The following CLOCK variants were observed in gnomAD, a reference collection of about 807,000 sequenced individuals.
CLOCK encodes the protein circadian locomoter output cycles protein kaput.
CLOCK carries 43 observed loss-of-function variants against 118.4 expected under a neutral mutation model. That is an observed-to-expected ratio of 0.36 (90% confidence interval 0.28 to 0.47). CLOCK has a LOEUF of 0.47. Among genes scored for constraint, CLOCK ranks in the 20% least tolerant of loss-of-function variants. CLOCK has a pLI of 1.00. For synonymous variants in CLOCK, 326 were observed against 339.2 expected, an observed-to-expected ratio of 0.96 and a Z score of 0.43; for missense variants, 846 against 999.9, an observed-to-expected ratio of 0.85 and a Z score of 2.08.
At chr4:55,522,861 A>C (rs1429993242) in intron 1 of CLOCK, among the ~76,000 whole-genome samples, 1 of 152,236 alleles carries the variant, frequency 6.6e-6, no homozygotes, top group Non-Finnish European at 1.5e-5. Flanking sequence ...GAAAGCAAGG[A>C]AGCTATCAAA....
Position 55,453,122 on chromosome 4 carries a change from C to G in CLOCK, c.1138G>C (p.Glu380Gln). 6.2e-7 allele frequency: 1 copy of G among 1,612,716 alleles called. No homozygotes were observed. Among genetic ancestry groups the G allele is most frequent in the Non-Finnish European group, 8.5e-7 (1 of 1,178,982 alleles). Reference protein sequence around the residue: ...VCTHTVVSYAEVRAERRRELG... With the variant: ...VCTHTVVSYAQVRAERRRELG... Reference sequence around the variant, plus strand: ...TCTCGTCGTCTTTCAGCCCTAACTTCTGCATAACTACAAATGGAAAAAATA... The same window carrying G: ...TCTCGTCGTCTTTCAGCCCTAACTTGTGCATAACTACAAATGGAAAAAATA... The change falls in exon 15 of 23, where the codon GAA becomes CAA. Residue 380 changes from glutamate to glutamine, a missense_variant. Transcript: ENST00000513440.
intron 2 of CLOCK, among the ~76,000 whole-genome samples, chr4:55,500,000 T>C (rs1488113222): frequency 1.3e-5 from 2 of 152,086 alleles, no homozygotes; most frequent in Non-Finnish European, 2.9e-5. Flanking sequence ...TAAGTACATA[T>C]ACCACTATGG....
At chr4:55,537,680 G>C (rs1730994284) in intron 1 of CLOCK, among the ~76,000 whole-genome samples, 1 of 152,056 alleles carries the variant, frequency 6.6e-6, no homozygotes. Flanking sequence ...TGCAGTCCCA[G>C]CTACTCAGGA....
intron 1 of CLOCK, among the ~76,000 whole-genome samples, chr4:55,535,737 A>AAC (rs1553904100): frequency 1.7e-5 from 2 of 120,768 alleles, no homozygotes; most frequent in Non-Finnish European, 1.7e-5. Flanking sequence ...TGATGGGAGA[A>AAC]TCTTTTTTTT....
chr4:55,475,237 G>T (rs1029585517), intron 7 of CLOCK, among the ~76,000 whole-genome samples: 3 of 152,192 alleles, frequency 2.0e-5, no homozygotes, highest in African/African-American at 7.2e-5. Context: ...GGTAGAAACG[G>T]CAAGAGAATT....
chr4:55,494,768 G>A (rs1401796692), intron 2 of CLOCK, among the ~76,000 whole-genome samples: 1 of 152,142 alleles, frequency 6.6e-6, no homozygotes, highest in Admixed American at 6.5e-5. Flanking sequence ...GTGAAAGAAG[G>A]TGGCCACAAG....
intron 1 of CLOCK, among the ~76,000 whole-genome samples, chr4:55,541,891 A>G (rs1731291234): frequency 6.6e-6 from 1 of 151,848 alleles, no homozygotes; most frequent in Non-Finnish European, 1.5e-5. Flanking sequence ...TTCCTTTCTT[A>G]ACTAATTAAA....
chr4:55,488,150 T>C (rs1002275584), intron 3 of CLOCK, among the ~76,000 whole-genome samples: 6 of 152,220 alleles, frequency 3.9e-5, no homozygotes, highest in African/African-American at 1.2e-4. Context: ...ATATGTGATG[T>C]AGACGACCAC....
chr4:55,436,845 G>A (rs970510913), intron 22 of CLOCK, among the ~76,000 whole-genome samples: 6 of 149,610 alleles, frequency 4.0e-5, no homozygotes, highest in Non-Finnish European at 8.9e-5. Context: ...ATTTATGAGG[G>A]GTATTGCCTA....
At chr4:55,439,507 T>C (rs1723169856) in intron 21 of CLOCK, among the ~76,000 whole-genome samples, 2 of 152,200 alleles carry the variant, frequency 1.3e-5, no homozygotes, top group Admixed American at 1.3e-4. Flanking sequence ...ATTCCACTTC[T>C]GCTTATATAA....
chr4:55,452,540 G>C (rs1724560440), intron 15 of CLOCK: 1 of 155,982 alleles, frequency 6.4e-6, no homozygotes, highest in Non-Finnish European at 1.4e-5. Context: ...GATAACAAGT[G>C]TGTTGTTTTA....
At chr4:55,546,002 C>T (rs12505266) in intron 1 of CLOCK, 51,425 of 152,170 alleles carry the variant, frequency 0.34, 9,391 homozygotes, top group East Asian at 0.58. Context: ...AGCCCGCGGC[C>T]GGCAACGGCG....
chr4:55,519,215 C>A (rs765301895), intron 1 of CLOCK, among the ~76,000 whole-genome samples: 5 of 151,988 alleles, frequency 3.3e-5, no homozygotes, highest in African/African-American at 1.2e-4. Context: ...CTATACCCAG[C>A]CAATTTTTAA....
intron 18 of CLOCK, among the ~76,000 whole-genome samples, chr4:55,446,134 C>A (rs1723830528): frequency 6.8e-6 from 1 of 146,628 alleles, no homozygotes; most frequent in African/African-American, 2.5e-5. Context: ...GACAGAGTCA[C>A]CCAAGCTGGA....
intron 7 of CLOCK, among the ~76,000 whole-genome samples, chr4:55,474,491 C>A (rs911182169): frequency 6.6e-6 from 1 of 152,188 alleles, no homozygotes; most frequent in African/African-American, 2.4e-5. Flanking sequence ...AAGGTCGCTA[C>A]ACTAGATACC....
chr4:55,455,902 T>C lies in CLOCK; in HGVS notation c.977A>G (p.Glu326Gly). ...DDLENLAKCH[E>G]HLMQYGKGKS... is the part of the protein sequence containing the mutation. ...AAATGTTAAAATCTACTTACAGTGCTCATGACATTTTGCCAAATTTTCTAG... is the reference window on the plus strand; with the variant it reads ...AAATGTTAAAATCTACTTACAGTGCCCATGACATTTTGCCAAATTTTCTAG... Residue 326 changes from glutamate (E) to glycine (G), a missense_variant, in exon 13 of 23, where the codon GAG (glutamate) becomes GGG (glycine). Around this residue, in one of 4 missense-constraint regions of CLOCK, gnomAD observed 66 missense variants for 99.4 expected, o/e 0.66. Coordinates refer to ENST00000513440, the MANE Select transcript of CLOCK (RefSeq NM_004898.4). 1 of 1,608,894 alleles carries C rather than the reference T, an allele frequency of 6.2e-7. No homozygotes were observed. Among genetic ancestry groups the C allele is most frequent in the Admixed American group, 1.7e-5 (1 of 60,008 alleles).
intron 1 of CLOCK, among the ~76,000 whole-genome samples, chr4:55,540,197 AG>A (rs1421489443): frequency 6.6e-6 from 1 of 151,798 alleles, no homozygotes; most frequent in Admixed American, 6.6e-5. Context: ...TAGTAGAGAC[AG>A]GGTTTCACCA....
intron 8 of CLOCK, among the ~76,000 whole-genome samples, chr4:55,464,761 G>A (rs879635471): frequency 5.9e-5 from 9 of 152,218 alleles, no homozygotes; most frequent in Non-Finnish European, 1.0e-4. Flanking sequence ...ACAAACAGAG[G>A]CAGTAAGAAT....
chr4:55,482,525 A>C (rs1420286968), intron 4 of CLOCK, among the ~76,000 whole-genome samples: 1 of 152,202 alleles, frequency 6.6e-6, no homozygotes, highest in Non-Finnish European at 1.5e-5. Context: ...CTCATTTAAA[A>C]CACACAAGCC....
Sources: gnomAD v4.1 joint callset for allele counts (sites outside exome capture counted in the v4.1 genomes callset) on GRCh38, gnomAD v4.1.1 for gene constraint, gnomAD v4.1.1 regional missense constraint, MANE v1.5 for transcripts, NCBI Gene and HGNC (gene_info 2026-07-23, HGNC 2026-07-21) for gene names.